LRRTM3: variants seen among roughly 807,000 people sequenced by gnomAD.
LRRTM3 encodes the protein leucine-rich repeat transmembrane neuronal protein 3.
A neutral mutation model predicts 44.7 loss-of-function variants in LRRTM3; 24 were observed. That is an observed-to-expected ratio of 0.54 (90% CI 0.39 to 0.76). LRRTM3 has a LOEUF of 0.76. Among genes scored for constraint, LRRTM3 ranks in the 30% least tolerant of loss-of-function variants. LRRTM3 has a pLI of 0.00. For missense variants in LRRTM3, 587 were observed against 702.2 expected (o/e 0.84, Z 1.85); for synonymous variants, 277 against 278.7 (o/e 0.99, Z 0.06).
intron 2 of LRRTM3, among the ~76,000 whole-genome samples, chr10:67,010,064 CTTT>C (rs1852226011): frequency 1.3e-5 from 2 of 152,220 alleles, no homozygotes; most frequent in African/African-American, 4.8e-5. Flanking sequence ...AGTCAGGGCT[CTTT>C]AGAACCTTCA....
At chr10:66,963,145 T>A (rs1405248440) in intron 2 of LRRTM3, among the ~76,000 whole-genome samples, 1 of 152,146 alleles carries the variant, frequency 6.6e-6, no homozygotes, top group Non-Finnish European at 1.5e-5. Context: ...ACAAAGCTAG[T>A]ACTTACAGTA....
chr10:66,960,961 T>C (rs1849077380), intron 2 of LRRTM3, among the ~76,000 whole-genome samples: 1 of 152,170 alleles, frequency 6.6e-6, no homozygotes, highest in Admixed American at 6.6e-5. Context: ...AGGGATCCTT[T>C]CTGAGAACAA....
intron 2 of LRRTM3, among the ~76,000 whole-genome samples, chr10:67,074,602 G>A (rs1052811024): frequency 6.6e-6 from 1 of 151,762 alleles, no homozygotes; most frequent in Non-Finnish European, 1.5e-5. Context: ...CACCCACCTC[G>A]GGTTCCCAAA....
intron 2 of LRRTM3, among the ~76,000 whole-genome samples, chr10:67,046,299 C>T (rs1455824296): frequency 1.3e-5 from 2 of 152,144 alleles, no homozygotes; most frequent in South Asian, 2.1e-4. Context: ...CTCAGGGCCA[C>T]GTTGCTACCA....
chr10:67,030,558 A>G (rs145568738), intron 2 of LRRTM3, among the ~76,000 whole-genome samples: 1 of 145,872 alleles, frequency 6.9e-6, no homozygotes, highest in East Asian at 2.2e-4. Flanking sequence ...CATATTGTAT[A>G]TAATAATTTT....
chr10:67,019,892 A>G (rs1311316693), intron 2 of LRRTM3, among the ~76,000 whole-genome samples: 2 of 152,180 alleles, frequency 1.3e-5, no homozygotes, highest in Non-Finnish European at 2.9e-5. Flanking sequence ...CTGTAATTCT[A>G]CCATAAAAAC....
intron 2 of LRRTM3, among the ~76,000 whole-genome samples, chr10:66,959,631 C>T (rs528209017): frequency 4.3e-4 from 66 of 152,178 alleles, no homozygotes; most frequent in Non-Finnish European, 7.8e-4. Context: ...TCAGGTCTAA[C>T]ATTCCACAAC....
intron 2 of LRRTM3, among the ~76,000 whole-genome samples, chr10:66,944,062 CT>C (rs947199574): frequency 2.6e-5 from 4 of 152,198 alleles, no homozygotes; most frequent in African/African-American, 9.6e-5. Context: ...ACAAGGATGT[CT>C]GCTGCATTGG....
At chr10:67,064,189 C>T (rs1163981996) in intron 2 of LRRTM3, among the ~76,000 whole-genome samples, 2 of 152,076 alleles carry the variant, frequency 1.3e-5, no homozygotes, top group African/African-American at 4.8e-5. Context: ...ATCATTAGAA[C>T]ATTTGAATTG....
chr10:67,100,146 G>A lies in LRRTM3; in HGVS notation c.*2350G>A, dbSNP rs1339311311. ...GATAATGATTTTTAGAAATGTTAAGGTTCCAAGGAGTCTTACAAGTGTATG... is the reference window on the plus strand; with the variant it reads ...GATAATGATTTTTAGAAATGTTAAGATTCCAAGGAGTCTTACAAGTGTATG... On this transcript the variant is annotated 3_prime_UTR_variant, in exon 3 of 3. Coordinates refer to ENST00000361320, the MANE Select transcript of LRRTM3 (RefSeq NM_178011.5). 6.6e-6 allele frequency among the ~76,000 whole-genome samples: 1 copy of A among 151,534 alleles called. No homozygotes were observed. The highest frequency in any genetic ancestry group is 1.5e-5 in the Non-Finnish European group (1 of 67,728).
At chr10:67,027,529 G>C (rs890240872) in intron 2 of LRRTM3, among the ~76,000 whole-genome samples, 1 of 149,302 alleles carries the variant, frequency 6.7e-6, no homozygotes, top group Middle Eastern at 3.3e-3. Flanking sequence ...CTGCTTCCTG[G>C]GTTCAAGTGA....
chr10:67,017,983 G>A (rs550735159), intron 2 of LRRTM3, among the ~76,000 whole-genome samples: 1 of 152,198 alleles, frequency 6.6e-6, no homozygotes, highest in East Asian at 1.9e-4. Context: ...TGTTGGCAAG[G>A]CTGGTCTCAA....
At chr10:66,992,396 T>TTCC (rs138175522) in intron 2 of LRRTM3, among the ~76,000 whole-genome samples, 9 of 152,048 alleles carry the variant, frequency 5.9e-5, no homozygotes, top group East Asian at 1.9e-4. Flanking sequence ...CCTATTATTC[T>TTCC]TCCTCCTCCT....
At chr10:66,955,450 A>G (rs1848736777) in intron 2 of LRRTM3, among the ~76,000 whole-genome samples, 7 of 152,174 alleles carry the variant, frequency 4.6e-5, no homozygotes, top group Admixed American at 3.9e-4. Context: ...ATGCCAATTC[A>G]GTAAAATTAA....
At chr10:66,928,994 C>A (rs1847226006) in intron 2 of LRRTM3, among the ~76,000 whole-genome samples, 4 of 152,150 alleles carry the variant, frequency 2.6e-5, no homozygotes, top group Admixed American at 1.3e-4. Context: ...AGGAAACTAT[C>A]AAAAGATGGT....
At chr10:67,042,973 C>T (rs1183022087) in intron 2 of LRRTM3, among the ~76,000 whole-genome samples, 2 of 152,034 alleles carry the variant, frequency 1.3e-5, no homozygotes, top group African/African-American at 4.8e-5. Flanking sequence ...GCAGCTAGGT[C>T]TCCATACCTG....
At chr10:67,005,075 A>G (rs1851892976) in intron 2 of LRRTM3, among the ~76,000 whole-genome samples, 3 of 152,220 alleles carry the variant, frequency 2.0e-5, no homozygotes, top group Admixed American at 1.3e-4. Flanking sequence ...TGTTTTTCCT[A>G]CAAGCTCCTT....
At chr10:67,091,641 T>A (rs1050257143) in intron 2 of LRRTM3, among the ~76,000 whole-genome samples, 1 of 152,056 alleles carries the variant, frequency 6.6e-6, no homozygotes, top group Non-Finnish European at 1.5e-5. Flanking sequence ...CCAGTCATAG[T>A]CACTAAGGTG....
intron 2 of LRRTM3, among the ~76,000 whole-genome samples, chr10:67,026,742 G>A (rs1853414215): frequency 6.6e-6 from 1 of 152,150 alleles, no homozygotes; most frequent in Non-Finnish European, 1.5e-5. Flanking sequence ...AACCTCTTCT[G>A]TCTGGTTCTT....
Sources: gnomAD v4.1 joint callset for allele counts (sites outside exome capture counted in the v4.1 genomes callset) on GRCh38, gnomAD v4.1.1 for gene constraint, MANE v1.5 for transcripts, NCBI Gene and HGNC (gene_info 2026-07-23, HGNC 2026-07-21) for gene names.